PKNOX1: variants seen among roughly 807,000 people sequenced by gnomAD.
PKNOX1 encodes PBX/knotted 1 homeobox 1, also known as homeobox protein PKNOX1.
A neutral mutation model predicts 51.9 loss-of-function variants in PKNOX1; 15 were observed. The ratio of observed to expected loss-of-function variants is 0.29; its 90% CI spans 0.19 to 0.45. The LOEUF (loss-of-function observed/expected upper bound fraction) is 0.45, where lower values mean the gene tolerates loss of function less well. Among genes scored for constraint, PKNOX1 ranks in the 20% least tolerant of loss-of-function variants. The pLI, the probability that PKNOX1 is intolerant of heterozygous loss-of-function variation, is 1.00. For synonymous variants in PKNOX1, 219 were observed against 211.1 expected, an observed-to-expected ratio of 1.04 and a Z score of -0.32; for missense variants, 462 against 547.5, an observed-to-expected ratio of 0.84 and a Z score of 1.56.
intron 3 of PKNOX1, among the ~76,000 whole-genome samples, chr21:43,008,385 C>T (rs1979094966): frequency 6.6e-6 from 1 of 152,098 alleles, no homozygotes; most frequent in Admixed American, 6.6e-5. Flanking sequence ...ATGTAAAAAT[C>T]ATCAATAAAA....
chr21:43,014,715 TTTA>T (rs1231081894), intron 5 of PKNOX1, among the ~76,000 whole-genome samples: 3 of 152,196 alleles, frequency 2.0e-5, no homozygotes, highest in Non-Finnish European at 4.4e-5. Flanking sequence ...CCTCAAAAGT[TTTA>T]TAGTTGTCCA....
At chr21:42,987,715 T>C (rs1276736608) in intron 1 of PKNOX1, among the ~76,000 whole-genome samples, 3 of 150,498 alleles carry the variant, frequency 2.0e-5, no homozygotes, top group African/African-American at 7.3e-5. Flanking sequence ...GCCTCCTGGG[T>C]TCACGCCATT....
rs944668031 is a variant in PKNOX1, at chr21:43,021,886, G to A, written c.849+455G>A. On this transcript the variant is annotated intron_variant, in intron 8 of 10. Transcript: ENST00000291547. This position sits in a 1 kb window ranked among gnomAD's most constrained non-coding sequence, Gnocchi z 4.6. ...TGGAAGCGAGTTTGTCCCACAGGGC[G>A]CGCCGTTTTGCCCAGCACGTGTGCA... Among the ~76,000 whole-genome samples the A allele has an allele frequency of 3.9e-5, 6 of 152,204 alleles. No individual in the cohort carries two copies. The highest frequency in any genetic ancestry group is 1.3e-4 in the Admixed American group (2 of 15,286).
intron 1 of PKNOX1, among the ~76,000 whole-genome samples, chr21:42,994,456 C>T (rs2077847041): frequency 1.4e-5 from 2 of 147,824 alleles, no homozygotes; most frequent in South Asian, 4.4e-4. Context: ...GTATTACAGG[C>T]ACGTGCCACT....
intron 1 of PKNOX1, among the ~76,000 whole-genome samples, chr21:42,988,033 C>A (rs2059064649): frequency 6.7e-6 from 1 of 150,012 alleles, no homozygotes; most frequent in Non-Finnish European, 1.5e-5. Context: ...GGTCACACCT[C>A]CCACACCTTC....
chr21:43,004,365 T>C lies in PKNOX1; in HGVS notation c.-17T>C. The C allele has an allele frequency of 1.9e-6, 3 of 1,578,964 alleles. No homozygotes were observed. In the East Asian group the frequency reaches 6.7e-5, roughly 35 times the overall value. Reference sequence around the variant, plus strand: ...TCACCCAAGATGATTTGATGTCTTATAAAACTCTGATGAACCATGATGGCT... The same window carrying C: ...TCACCCAAGATGATTTGATGTCTTACAAAACTCTGATGAACCATGATGGCT... On this transcript the variant is annotated 5_prime_UTR_variant, in exon 2 of 11. Transcript: ENST00000291547.
At chr21:43,029,433 T>G (rs888233414) in intron 10 of PKNOX1, among the ~76,000 whole-genome samples, 156 of 134,538 alleles carry the variant, frequency 1.2e-3, no homozygotes, top group African/African-American at 3.7e-3. Flanking sequence ...TGTTTTTTTT[T>G]TTTTTTTTTT....
chr21:43,002,856 A>G (rs1978823116), intron 1 of PKNOX1, among the ~76,000 whole-genome samples: 1 of 152,178 alleles, frequency 6.6e-6, no homozygotes, highest in African/African-American at 2.4e-5. Flanking sequence ...AGCTGGGACT[A>G]TAGGCGCATG....
At chr21:42,989,217 A>G (rs1601275617) in intron 1 of PKNOX1, among the ~76,000 whole-genome samples, 2 of 152,054 alleles carry the variant, frequency 1.3e-5, no homozygotes, top group East Asian at 3.9e-4. Context: ...GGACTCAAGC[A>G]ATATTCCCGC....
At chr21:43,013,974 C>G (rs186889568) in intron 5 of PKNOX1, among the ~76,000 whole-genome samples, 1 of 149,684 alleles carries the variant, frequency 6.7e-6, no homozygotes, top group Non-Finnish European at 1.5e-5. Flanking sequence ...ATTATACCCT[C>G]TGTGTATTTT....
rs234739 is a variant in PKNOX1 at position 43,032,728 on chromosome 21, C to A, written c.*2627C>A. The A allele has an allele frequency of 0.24, 36,888 of 152,336 alleles. 4,827 individuals carry two copies. The highest frequency in any genetic ancestry group is 0.29 in the Non-Finnish European group (19,914 of 68,094). The allele number at this position is 152,336 out of a possible 1,614,324, so 9.4% of individuals were successfully genotyped here. On this transcript the variant is annotated 3_prime_UTR_variant, in exon 11 of 11. Coordinates refer to ENST00000291547, the MANE Select transcript of PKNOX1 (RefSeq NM_004571.5). ...ATACAGTGTGCATTCTCTCCAGCTG[C>A]AAACTTTCTTCAACTTTCCTAAATT...
At chr21:42,991,439 T>G (rs968657842) in intron 1 of PKNOX1, among the ~76,000 whole-genome samples, 1 of 151,980 alleles carries the variant, frequency 6.6e-6, no homozygotes, top group Non-Finnish European at 1.5e-5. Flanking sequence ...CAAAACAAAT[T>G]GTATTGGCCA....
intron 1 of PKNOX1, among the ~76,000 whole-genome samples, chr21:42,996,719 A>G (rs1373494488): frequency 6.6e-6 from 1 of 152,178 alleles, no homozygotes; most frequent in African/African-American, 2.4e-5. Context: ...GTTAGCCACC[A>G]TGCTCAGCTA....
intron 1 of PKNOX1, among the ~76,000 whole-genome samples, chr21:42,987,394 A>ATATATATATATAT (rs1568888748): frequency 3.2e-5 from 3 of 95,078 alleles, no homozygotes; most frequent in African/African-American, 1.3e-4. Flanking sequence ...AAAAAAAAAA[A>ATATATATATATAT]AAAAAAAAAA....
chr21:42,981,716 C>T (rs2059027121), intron 1 of PKNOX1, among the ~76,000 whole-genome samples: 1 of 152,176 alleles, frequency 6.6e-6, no homozygotes, highest in East Asian at 1.9e-4. Context: ...CGTGTCATCA[C>T]ACCCAGCTAA....
chr21:42,988,641 G>A (rs1468285815), intron 1 of PKNOX1, among the ~76,000 whole-genome samples: 2 of 152,182 alleles, frequency 1.3e-5, no homozygotes, highest in East Asian at 1.9e-4. Context: ...GCTGGGACAC[G>A]CTTTGCTGAG....
rs1294074010 is a variant in PKNOX1 at position 43,030,042 on chromosome 21, G to A, written c.1252G>A (p.Ala418Thr). 1.2e-6 allele frequency: 2 copies of A among 1,613,478 alleles called. No individual in the cohort carries two copies. The highest frequency in any genetic ancestry group is 1.7e-6 in the Non-Finnish European group (2 of 1,179,680). The change falls in exon 11 of 11, where the codon GCC becomes ACC. Residue 418 changes from alanine (A) to threonine (T), a missense_variant. Physicochemically the swap from Ala to Thr is moderately conservative, Grantham distance 58. This residue lies in a region of PKNOX1 where 118 missense variants were observed against 116.8 expected (regional missense o/e 1.01). Coordinates refer to ENST00000291547, the MANE Select transcript of PKNOX1 (RefSeq NM_004571.5). ...GGACAGCACAGAGGAGGATGCGGGT[G>A]CCCTGGCCCCTGCCCACATCAGCGG... ...SVDSTEEDAGALAPAHISGLV... is the reference protein window; with the variant it reads ...SVDSTEEDAGTLAPAHISGLV...
chr21:43,023,352 C>T (rs1010166997), intron 8 of PKNOX1, among the ~76,000 whole-genome samples: 4 of 152,070 alleles, frequency 2.6e-5, no homozygotes, highest in Non-Finnish European at 5.9e-5. Flanking sequence ...GCCGCTCCGT[C>T]CCCATGTGAT....
At chr21:43,022,754 G>A (rs756072029) in intron 8 of PKNOX1, among the ~76,000 whole-genome samples, 33 of 152,134 alleles carry the variant, frequency 2.2e-4, no homozygotes, top group Non-Finnish European at 4.7e-4. Flanking sequence ...AAAGCAGGTC[G>A]GCATGTAGAT....
Sources: gnomAD v4.1 joint callset for allele counts (sites outside exome capture counted in the v4.1 genomes callset) on GRCh38, gnomAD v4.1.1 for gene constraint, gnomAD v4.1.1 regional missense constraint, Gnocchi (gnomAD v3.1) non-coding constraint, MANE v1.5 for transcripts, NCBI Gene and HGNC (gene_info 2026-07-23, HGNC 2026-07-21) for gene names.